TRIP13: variants seen among roughly 807,000 people sequenced by gnomAD.
TRIP13 encodes pachytene checkpoint protein 2 homolog.
A neutral mutation model predicts 54.4 loss-of-function variants in TRIP13; 25 were observed. That is an observed-to-expected ratio of 0.46 (90% CI 0.33 to 0.64). The LOEUF (loss-of-function observed/expected upper bound fraction) is 0.64, where lower values mean the gene tolerates loss of function less well. Among genes scored for constraint, TRIP13 ranks in the 30% least tolerant of loss-of-function variants. TRIP13 has a pLI of 0.02. For synonymous variants in TRIP13, 207 were observed against 207.8 expected (o/e 1.00, Z 0.03); for missense variants, 373 against 534.2 (o/e 0.70, Z 2.97).
At chr5:900,940 T>C (rs929209200) in intron 4 of TRIP13, among the ~76,000 whole-genome samples, 10 of 151,878 alleles carry the variant, frequency 6.6e-5, no homozygotes, top group African/African-American at 2.4e-4. Context: ...GTCCTCTGCA[T>C]TGATAGTCTG....
rs1754281553 is a variant in TRIP13, at chr5:913,428, T to C, written c.1021-1037T>C. ...TGGAGTACAGTGGTGCCATCGCAGC[T>C]CACTGCAACCTCCGCCTCCTGGGTT... On this transcript the variant is annotated intron_variant, in intron 10 of 12. Coordinates refer to ENST00000166345, the MANE Select transcript of TRIP13 (RefSeq NM_004237.4). The surrounding 1 kb of genome is among the most constrained non-coding windows in gnomAD (Gnocchi z 4.5). Among the ~76,000 whole-genome samples, 1 of 152,208 alleles carries C rather than the reference T, an allele frequency of 6.6e-6. No homozygotes were observed. Among genetic ancestry groups the C allele is most frequent in the African/African-American group, 2.4e-5 (1 of 41,454 alleles).
chr5:915,816 C>G lies in TRIP13; in HGVS notation c.1134-88C>G. 4 of 1,438,296 alleles carry G rather than the reference C, an allele frequency of 2.8e-6. No homozygotes were observed. Among genetic ancestry groups the G allele is most frequent in the Non-Finnish European group, 3.9e-6 (4 of 1,022,288 alleles). 89.1% of individuals were successfully genotyped at this position (1,438,296 alleles called of 1,614,324 possible). On this transcript the variant is annotated intron_variant, in intron 11 of 12. Coordinates refer to ENST00000166345, the MANE Select transcript of TRIP13 (RefSeq NM_004237.4). The surrounding 1 kb of genome is among the most constrained non-coding windows in gnomAD (Gnocchi z 4.2). The stretch of plus-strand genomic sequence containing the variant: ...CTTGGGACGCCTCGGCTTGTGTTCC[C>G]AGGGATGCCTCGGCCAATGAGGAAA...
rs1754165290 is a variant in TRIP13 at position 908,533 on chromosome 5, G to C, written c.866+72G>C. Reference sequence around the variant, plus strand: ...TGTCCCAAAGAAATGCGTGATACTTGTGCAACCCTAGATCTTAGTGCCCAG... The same window carrying C: ...TGTCCCAAAGAAATGCGTGATACTTCTGCAACCCTAGATCTTAGTGCCCAG... On this transcript the variant is annotated intron_variant, in intron 9 of 12. Coordinates refer to ENST00000166345, the MANE Select transcript of TRIP13 (RefSeq NM_004237.4). This position sits in a 1 kb window ranked among gnomAD's most constrained non-coding sequence, Gnocchi z 5.2. 1 of 1,594,810 alleles carries C rather than the reference G, an allele frequency of 6.3e-7. No individual in the cohort carries two copies. The highest frequency in any genetic ancestry group is 8.5e-7 in the Non-Finnish European group (1 of 1,172,080).
intron 6 of TRIP13, among the ~76,000 whole-genome samples, chr5:905,341 G>A (rs1754091361): frequency 6.6e-6 from 1 of 152,202 alleles, no homozygotes; most frequent in Admixed American, 6.5e-5. Context: ...CATAGCTGCA[G>A]GGAATGTCCC....
chr5:918,464 G>T (rs1754376551), downstream of TRIP13, among the ~76,000 whole-genome samples: 1 of 152,176 alleles, frequency 6.6e-6, no homozygotes, highest in African/African-American at 2.4e-5. This position sits in a 1 kb window ranked among gnomAD's most constrained non-coding sequence, Gnocchi z 4.3. Context: ...GGTCCACAGT[G>T]GCTTGCGGCC....
At position 908,373 on chromosome 5, in the gene TRIP13, G is replaced by A. The variant is rs762906422; in HGVS notation, c.778G>A (p.Ala260Thr). 2.0e-5 allele frequency: 33 copies of A among 1,611,948 alleles called. No individual in the cohort carries two copies. Among genetic ancestry groups the A allele is most frequent in the Non-Finnish European group, 2.4e-5 (28 of 1,180,016 alleles). Residue 260 changes from alanine (A) to threonine (T), a missense_variant, in exon 9 of 13, where the codon GCC becomes ACC. Physicochemically the swap from Ala to Thr is moderately conservative, Grantham distance 58 (BLOSUM62 0). Around this residue, in one of 4 missense-constraint regions of TRIP13, gnomAD observed 119 missense variants for 223.0 expected, o/e 0.53. Transcript: ENST00000166345. The surrounding 1 kb of genome is among the most constrained non-coding windows in gnomAD (Gnocchi z 5.2). ...CCAACAGGTGGAGAGTCTCACAGCC[G>A]CCCGAAATGCCTGCAGGGCGGGCAC... The part of the protein sequence containing the change: ...LIDEVESLTA[A>T]RNACRAGTEP...
chr5:896,109 G>A (rs867823345), intron 2 of TRIP13, among the ~76,000 whole-genome samples: 1 of 152,160 alleles, frequency 6.6e-6, no homozygotes, highest in Non-Finnish European at 1.5e-5. Flanking sequence ...GCCAGGAATT[G>A]GAGAATGGCC....
chr5:896,646 G>T lies in TRIP13; in HGVS notation c.259-19G>T. The T allele has an allele frequency of 6.3e-7, 1 of 1,599,268 alleles. No individual in the cohort carries two copies. Among genetic ancestry groups the T allele is most frequent in the Non-Finnish European group, 8.5e-7 (1 of 1,170,064 alleles). ...AGAGTTGGAAATGTGTGTCGATATT[G>T]GCTTTTCCCTCATTTTAGCCCATCG... On this transcript the variant is annotated intron_variant, in intron 2 of 12. Coordinates refer to ENST00000166345, the MANE Select transcript of TRIP13 (RefSeq NM_004237.4).
Position 912,055 on chromosome 5 carries a change from A to G in TRIP13, c.1020+59A>G. ...TGGATTTCTTATATGTTCTTAATTA[A>G]TTAAGATAGCTTAAAATAAGCTCGT... On this transcript the variant is annotated intron_variant, in intron 10 of 12. Coordinates refer to ENST00000166345, the MANE Select transcript of TRIP13 (RefSeq NM_004237.4). The surrounding 1 kb of genome is among the most constrained non-coding windows in gnomAD (Gnocchi z 7.2). 1 of 1,558,574 alleles carries G rather than the reference A, an allele frequency of 6.4e-7. No individual in the cohort carries two copies. Among genetic ancestry groups the G allele is most frequent in the South Asian group, 1.2e-5 (1 of 83,478 alleles).
chr5:908,234 G>T lies in TRIP13; in HGVS notation c.760-121G>T. ...TTTCCACCTTGCCGCAGCATCCGCA[G>T]GCTAGGCACGGGAACACCCATTCAT... On this transcript the variant is annotated intron_variant, in intron 8 of 12. Coordinates refer to ENST00000166345, the MANE Select transcript of TRIP13 (RefSeq NM_004237.4). The surrounding 1 kb of genome is among the most constrained non-coding windows in gnomAD (Gnocchi z 5.2). The T allele has an allele frequency of 7.1e-7, 1 of 1,409,392 alleles. No homozygotes were observed. The allele number at this position is 1,409,392 out of a possible 1,614,324, so 87.3% of individuals were successfully genotyped here.
chr5:911,735 G>T lies in TRIP13; in HGVS notation c.867-108G>T, dbSNP rs1462100365. 1 of 1,408,718 alleles carries T rather than the reference G, an allele frequency of 7.1e-7. No individual in the cohort carries two copies. The highest frequency in any genetic ancestry group is 9.4e-7 in the Non-Finnish European group (1 of 1,058,414). The allele number at this position is 1,408,718 out of a possible 1,614,324, so 87.3% of individuals were successfully genotyped here. ...CACAAGGCCACTTTCCTTCCTGTTG[G>T]CAGCCTGCTGGCCATCGTCCTGCCA... On this transcript the variant is annotated intron_variant, in intron 9 of 12. Transcript: ENST00000166345. The surrounding 1 kb of genome is among the most constrained non-coding windows in gnomAD (Gnocchi z 4.7).
Position 915,564 on chromosome 5 carries a change from C to T in TRIP13, c.1134-340C>T, listed in dbSNP as rs188490077. Among the ~76,000 whole-genome samples the T allele has an allele frequency of 9.3e-4, 141 of 151,360 alleles. 1 individual carries two copies. In the East Asian group the frequency reaches 0.026, roughly 28 times the overall value. On this transcript the variant is annotated intron_variant, in intron 11 of 12. Transcript: ENST00000166345. The surrounding 1 kb of genome is among the most constrained non-coding windows in gnomAD (Gnocchi z 4.2). The stretch of plus-strand genomic sequence containing the variant: ...ATGCTGGCCCTGGGGCAGAGGCTCC[C>T]GGGCAGGTGATGCCTTCCCTGAGCA...
Position 918,045 on chromosome 5 carries a change from A to C in TRIP13, c.*942A>C, listed in dbSNP as rs1024453074. ...TTCAAGTATTAAAATATTTTTTAGA[A>C]TTTTCTTGTTTTGATTCTAAGTATC... On this transcript the variant is annotated 3_prime_UTR_variant, in exon 13 of 13. Coordinates refer to ENST00000166345, the MANE Select transcript of TRIP13 (RefSeq NM_004237.4). The surrounding 1 kb of genome is among the most constrained non-coding windows in gnomAD (Gnocchi z 4.3). 1 of 152,228 alleles carries C rather than the reference A, an allele frequency of 6.6e-6. No homozygotes were observed. Among genetic ancestry groups the C allele is most frequent in the Non-Finnish European group, 1.5e-5 (1 of 68,004 alleles). The allele number at this position is 152,228 out of a possible 1,614,324, so 9.4% of individuals were successfully genotyped here. A position where few individuals can be genotyped will look rare whatever the true frequency, so the allele number is the denominator to read the frequency against.
Position 908,732 on chromosome 5 carries a change from G to A in TRIP13, c.866+271G>A, listed in dbSNP as rs1013404110. 5.5e-6 allele frequency: 6 copies of A among 1,083,634 alleles called. No homozygotes were observed. The highest frequency in any genetic ancestry group is 5.9e-6 in the Non-Finnish European group (5 of 843,542). 67.1% of individuals were successfully genotyped at this position (1,083,634 alleles called of 1,614,324 possible). On this transcript the variant is annotated intron_variant, in intron 9 of 12. Coordinates refer to ENST00000166345, the MANE Select transcript of TRIP13 (RefSeq NM_004237.4). This position sits in a 1 kb window ranked among gnomAD's most constrained non-coding sequence, Gnocchi z 5.2. The stretch of plus-strand genomic sequence containing the variant: ...CCAGCACTTTGGGAGGCCGAGGCAG[G>A]CGGATCACAAGGTCAGTAGATTGAG...
intron 1 of TRIP13, 93 bp from the exon 2 acceptor site, chr5:894,694 C>G: frequency 4.2e-6 from 6 of 1,421,818 alleles, no homozygotes; most frequent in Non-Finnish European, 5.6e-6. Flanking sequence ...ACTGGGCTTT[C>G]TTATGTATTG....
rs889119921 is a variant in TRIP13, at chr5:907,059, G to A, written c.609-71G>A. 1.8e-4 allele frequency: 237 copies of A among 1,311,884 alleles called. 2 individuals are homozygous for A. The Middle Eastern group carries it at 3.5e-3, about 19-fold the overall frequency. The allele number at this position is 1,311,884 out of a possible 1,614,324, so 81.3% of individuals were successfully genotyped here. A position where few individuals can be genotyped will look rare whatever the true frequency, so the allele number is the denominator to read the frequency against. On this transcript the variant is annotated intron_variant, in intron 6 of 12. Coordinates refer to ENST00000166345, the MANE Select transcript of TRIP13 (RefSeq NM_004237.4). The surrounding 1 kb of genome is among the most constrained non-coding windows in gnomAD (Gnocchi z 4.1). ...GCACTTGAGATGTTGCATTCAGGAC[G>A]CGTGAATGGCTGCCGCTGAGGATCC...
chr5:900,579 C>T (rs536298941), intron 4 of TRIP13, 30 bp downstream of exon 4: 2 of 1,606,276 alleles, frequency 1.2e-6, no homozygotes, highest in South Asian at 1.1e-5. Flanking sequence ...CCCAGAATGC[C>T]CTGTTATTTG....
At position 901,430 on chromosome 5, in the gene TRIP13, C is replaced by T. The variant is rs756211969; in HGVS notation, c.534C>T (p.His178=). The T allele has an allele frequency of 5.7e-5, 92 of 1,613,748 alleles. No individual in the cohort carries two copies. The highest frequency in any genetic ancestry group is 7.5e-5 in the Non-Finnish European group (89 of 1,179,912). The change falls in exon 5 of 13, where the codon CAC becomes CAT. Residue 178 remains histidine, a splice_region_variant and synonymous_variant. Transcript: ENST00000166345. The stretch of plus-strand genomic sequence containing the variant: ...CCTGGAACCGGGTGGTGCTGCTCCA[C>T]GGTAAATTATGCAGGCTTTTATTTG... ...LITWNRVVLL[H]GPPGTGKTSL...
In TRIP13 at chr5:917,124, T is replaced by C. The variant is rs1178428030; in HGVS notation, c.*21T>C. 3 of 1,612,554 alleles carry C rather than the reference T, an allele frequency of 1.9e-6. No individual in the cohort carries two copies. The highest frequency in any genetic ancestry group is 2.5e-6 in the Non-Finnish European group (3 of 1,179,086). ...TCTGATCCTGGGCTTCCCCATCTGGTGCTTTTCCCATGGAGAACACACAAC... is the reference window on the plus strand; with the variant it reads ...TCTGATCCTGGGCTTCCCCATCTGGCGCTTTTCCCATGGAGAACACACAAC... On this transcript the variant is annotated 3_prime_UTR_variant, in exon 13 of 13. Transcript: ENST00000166345.
Sources: allele counts gnomAD v4.1 joint callset (sites outside exome capture counted in the v4.1 genomes callset), GRCh38; gene constraint gnomAD v4.1.1; regional missense constraint gnomAD v4.1.1; non-coding constraint Gnocchi (gnomAD v3.1); transcripts MANE v1.5; gene names NCBI Gene and HGNC (gene_info 2026-07-23, HGNC 2026-07-21).